TFAM: variants seen among roughly 807,000 people sequenced by gnomAD.
The protein encoded by TFAM is transcription factor A, mitochondrial.
In TFAM, 13 loss-of-function variants were observed where a neutral mutation model predicts 30.6. The ratio of observed to expected loss-of-function variants is 0.42; its 90% CI spans 0.28 to 0.67. The LOEUF is 0.67. TFAM is among the 30% of genes least tolerant of loss of function. TFAM has a pLI of 0.21. For missense variants in TFAM, 231 were observed against 293.7 expected (o/e 0.79, Z 1.56); for synonymous variants, 106 against 94.8 (o/e 1.12, Z -0.69).
At chr10:58,392,013 T>C (rs1348330296) in intron 5 of TFAM, among the ~76,000 whole-genome samples, 1 of 151,958 alleles carries the variant, frequency 6.6e-6, no homozygotes, top group Admixed American at 6.6e-5. Context: ...TGTGTTTTTC[T>C]TTCAGTTTAA....
In TFAM at chr10:58,396,963, A is replaced by G. The variant is rs1472239839; in HGVS notation, c.*1889A>G. The G allele has an allele frequency of 6.6e-6, 1 of 152,170 alleles. No homozygotes were observed. Among genetic ancestry groups the G allele is most frequent in the Non-Finnish European group, 1.5e-5 (1 of 68,042 alleles). The allele number at this position is 152,170 out of a possible 1,614,324, so 9.4% of individuals were successfully genotyped here. A position where few individuals can be genotyped will look rare whatever the true frequency, so the allele number is the denominator to read the frequency against. Reference sequence around the variant, plus strand: ...GTTGGCCATTGGTGAAATAGATAGGATGGGTTTGAGGCCAGAGCAGTCTGG... The same window carrying G: ...GTTGGCCATTGGTGAAATAGATAGGGTGGGTTTGAGGCCAGAGCAGTCTGG... On this transcript the variant is annotated 3_prime_UTR_variant, in exon 7 of 7. Coordinates refer to ENST00000487519, the MANE Select transcript of TFAM (RefSeq NM_003201.3).
intron 5 of TFAM, among the ~76,000 whole-genome samples, chr10:58,393,911 T>C (rs895847253): frequency 2.7e-5 from 4 of 148,822 alleles, no homozygotes; most frequent in African/African-American, 9.9e-5. Context: ...AAAAAAAAAA[T>C]TCTATCCCTT....
At chr10:58,386,190 A>G (rs753322673) in intron 1 of TFAM, 30 bp from the exon 2 acceptor site, 4 of 1,388,594 alleles carry the variant, frequency 2.9e-6, no homozygotes, top group Non-Finnish European at 4.1e-6. Context: ...AACATCTGAC[A>G]CTGGTTATTT....
Position 58,396,664 on chromosome 10 carries a change from A to T in TFAM, c.*1590A>T. 1 of 152,240 alleles carries T rather than the reference A, an allele frequency of 6.6e-6. No homozygotes were observed. Among genetic ancestry groups the T allele is most frequent in the East Asian group, 1.9e-4 (1 of 5,202 alleles). 9.4% of individuals were successfully genotyped at this position (152,240 alleles called of 1,614,324 possible). A position where few individuals can be genotyped will look rare whatever the true frequency, so the allele number is the denominator to read the frequency against. On this transcript the variant is annotated 3_prime_UTR_variant, in exon 7 of 7. Coordinates refer to ENST00000487519, the MANE Select transcript of TFAM (RefSeq NM_003201.3). ...CACCTGTTTGAGCAGAATAATTCTC[A>T]TCAGTTCACAGATATAGGATAACTC...
chr10:58,397,129 C>G lies in TFAM; in HGVS notation c.*2055C>G, dbSNP rs1438629772. 6.6e-6 allele frequency: 1 copy of G among 152,128 alleles called. No individual in the cohort carries two copies. The highest frequency in any genetic ancestry group is 1.5e-5 in the Non-Finnish European group (1 of 68,036). The allele number at this position is 152,128 out of a possible 1,614,324, so 9.4% of individuals were successfully genotyped here. A position where few individuals can be genotyped will look rare whatever the true frequency, so the allele number is the denominator to read the frequency against. ...CAGTCCCTAGGAGAATGGAGAAAATCATAACTCAAATCATCGACTCAATTC... is the reference window on the plus strand; with the variant it reads ...CAGTCCCTAGGAGAATGGAGAAAATGATAACTCAAATCATCGACTCAATTC... On this transcript the variant is annotated 3_prime_UTR_variant, in exon 7 of 7. Coordinates refer to ENST00000487519, the MANE Select transcript of TFAM (RefSeq NM_003201.3).
rs1238130106 is a variant in TFAM, at chr10:58,394,300, A to G, written c.538-58A>G. The G allele has an allele frequency of 3.2e-6, 4 of 1,259,422 alleles. No individual in the cohort carries two copies. The African/African-American group carries it at 4.4e-5, about 14-fold the overall frequency. 78.0% of individuals were successfully genotyped at this position (1,259,422 alleles called of 1,614,324 possible). ...ATCTTGAGTTTTTGTTGGAATGAAT[A>G]ATAAAGGTCACTGAAGTCCCCATAT... is the stretch of plus-strand genomic sequence containing the variant. On this transcript the variant is annotated intron_variant, in intron 5 of 6. Coordinates refer to ENST00000487519, the MANE Select transcript of TFAM (RefSeq NM_003201.3).
At chr10:58,386,593 G>C (rs1192767887) in intron 2 of TFAM, 4 of 1,120,866 alleles carry the variant, frequency 3.6e-6, no homozygotes, top group Non-Finnish European at 4.6e-6. Context: ...AGCTGAATTT[G>C]GGGCCTTGTT....
At position 58,388,028 on chromosome 10, in the gene TFAM, A is replaced by C. The variant is rs1402905296; in HGVS notation, c.221-162A>C. Among the ~76,000 whole-genome samples the C allele has an allele frequency of 2.0e-5, 3 of 152,186 alleles. No homozygotes were observed. In the East Asian group the frequency reaches 5.8e-4, roughly 29 times the overall value. On this transcript the variant is annotated intron_variant, in intron 2 of 6. Transcript: ENST00000487519. ...GTTGTTAGATAATAGACTTTTGATA[A>C]TGTTGGATAAATTACTTACGTTTAA...
intron 5 of TFAM, among the ~76,000 whole-genome samples, chr10:58,393,755 C>G (rs1220430419): frequency 6.6e-6 from 1 of 151,988 alleles, no homozygotes; most frequent in African/African-American, 2.4e-5. Flanking sequence ...ATTAACCAGG[C>G]ATGGTGGTGC....
intron 6 of TFAM, 100 bp downstream of exon 6, chr10:58,394,514 C>T (rs1238235247): frequency 1.8e-5 from 17 of 968,694 alleles, no homozygotes; most frequent in Admixed American, 3.4e-5. Flanking sequence ...CCTTGTATTA[C>T]TAATAATACA....
chr10:58,390,073 G>C (rs1042027375), intron 4 of TFAM, among the ~76,000 whole-genome samples: 13 of 152,160 alleles, frequency 8.5e-5, no homozygotes, highest in Non-Finnish European at 2.9e-5. Context: ...AATCAGAGGA[G>C]CCCTACTTAC....
At chr10:58,386,392 G>T (rs149585719) in intron 2 of TFAM, 54 bp downstream of exon 2, 17 of 1,245,914 alleles carry the variant, frequency 1.4e-5, no homozygotes, top group Non-Finnish European at 1.9e-5. Context: ...ATGCCATTAA[G>T]CAGTTAAATA....
Position 58,395,200 on chromosome 10 carries a change from T to A in TFAM, c.*126T>A, listed in dbSNP as rs1013491024. On this transcript the variant is annotated 3_prime_UTR_variant, in exon 7 of 7. Coordinates refer to ENST00000487519, the MANE Select transcript of TFAM (RefSeq NM_003201.3). ...AAACCTTTTATATTTAGTATCTTTT[T>A]ATTCAGCTCATGGACTTCTGCCAGC... 1 of 990,628 alleles carries A rather than the reference T, an allele frequency of 1.0e-6. No individual in the cohort carries two copies. Among genetic ancestry groups the A allele is most frequent in the African/African-American group, 1.6e-5 (1 of 61,830 alleles). 61.4% of individuals were successfully genotyped at this position (990,628 alleles called of 1,614,324 possible).
At chr10:58,390,085 G>A (rs970751873) in intron 4 of TFAM, among the ~76,000 whole-genome samples, 6 of 152,180 alleles carry the variant, frequency 3.9e-5, no homozygotes, top group African/African-American at 1.4e-4. Context: ...CCTACTTACA[G>A]TTATGAATAA....
In TFAM at chr10:58,398,519, C is replaced by A. The variant is rs182581922; in HGVS notation, c.*3445C>A. On this transcript the variant is annotated 3_prime_UTR_variant, in exon 7 of 7. Transcript: ENST00000487519. ...TCTGTAATTACGCTATTGCGTTTGG[C>A]TAACTCCTTTTTGGAAATGTCTTTT... 27 of 152,112 alleles carry A rather than the reference C, an allele frequency of 1.8e-4. No homozygotes were observed. The East Asian group carries it at 5.0e-3, about 28-fold the overall frequency. The allele number at this position is 152,112 out of a possible 1,614,324, so 9.4% of individuals were successfully genotyped here.
At chr10:58,393,562 C>A (rs1267073976) in intron 5 of TFAM, among the ~76,000 whole-genome samples, 1 of 152,032 alleles carries the variant, frequency 6.6e-6, no homozygotes, top group Non-Finnish European at 1.5e-5. Context: ...AAAAAGATTT[C>A]TTTGTTTAAT....
At position 58,388,247 on chromosome 10, in the gene TFAM, A is replaced by G. The variant is rs368202705; in HGVS notation, c.278A>G (p.Asp93Gly). Residue 93 changes from aspartate to glycine, a missense_variant, in exon 3 of 7, where the codon GAT becomes GGT. Coordinates refer to ENST00000487519, the MANE Select transcript of TFAM (RefSeq NM_003201.3). ...RIAQRWRELP[D>G]SKKKIYQDAY... ...GCCCAGCGTTGGAGGGAACTTCCTGATTCAAAGAAAAAAGTAAGCACATAA... is the reference window on the plus strand; with the variant it reads ...GCCCAGCGTTGGAGGGAACTTCCTGGTTCAAAGAAAAAAGTAAGCACATAA... 5.6e-6 allele frequency: 9 copies of G among 1,613,870 alleles called. No individual in the cohort carries two copies. The highest frequency in any genetic ancestry group is 7.6e-6 in the Non-Finnish European group (9 of 1,179,902).
chr10:58,393,648 G>A (rs566265224), intron 5 of TFAM, among the ~76,000 whole-genome samples: 20 of 152,274 alleles, frequency 1.3e-4, no homozygotes, highest in African/African-American at 4.8e-4. Flanking sequence ...AACAATTTGG[G>A]AAGCGGGGTG....
Position 58,398,413 on chromosome 10 carries a change from A to C in TFAM, c.*3339A>C, listed in dbSNP as rs1026825024. The C allele has an allele frequency of 3.3e-5, 5 of 152,154 alleles. No individual in the cohort carries two copies. Among genetic ancestry groups the C allele is most frequent in the African/African-American group, 4.8e-5 (2 of 41,436 alleles). 9.4% of individuals were successfully genotyped at this position (152,154 alleles called of 1,614,324 possible). ...TAGGTTTTACAAAAGTAATTTGATG[A>C]GGGGAAGGAGGGTTGTGTATTTATT... On this transcript the variant is annotated 3_prime_UTR_variant, in exon 7 of 7. Transcript: ENST00000487519.
Sources: allele counts gnomAD v4.1 joint callset (sites outside exome capture counted in the v4.1 genomes callset), GRCh38; gene constraint gnomAD v4.1.1; transcripts MANE v1.5; gene names NCBI Gene and HGNC (gene_info 2026-07-23, HGNC 2026-07-21).